Variants in APOL4 observed in about 807,000 individuals in gnomAD.
APOL4 encodes the protein apolipoprotein L4.
APOL4 carries 14 observed loss-of-function variants against 12.1 expected under a neutral mutation model. The observed-to-expected ratio is 1.16, with a 90% CI of 0.76 to 1.81. The LOEUF (loss-of-function observed/expected upper bound fraction) is 1.81. Among genes scored for constraint, APOL4 ranks in the 40% most tolerant of loss-of-function variants. The probability of loss-of-function intolerance (pLI) is 0.00; values close to 1 mark genes in which losing one functional copy is unlikely to be tolerated. For missense variants in APOL4, 432 were observed against 423.1 expected (o/e 1.02, Z -0.18); for synonymous variants, 171 against 160.6 (o/e 1.06, Z -0.49).
chr22:36,197,520 A>G (rs2014445828), intron 2 of APOL4: 5 of 1,346,332 alleles, frequency 3.7e-6, no homozygotes, highest in Non-Finnish European at 3.9e-6. Flanking sequence ...AAATTAAAAT[A>G]AAAACCAGAC....
upstream of APOL4, chr22:36,202,186 T>C: frequency 8.1e-7 from 1 of 1,233,644 alleles, no homozygotes; most frequent in Non-Finnish European, 1.2e-6. Context: ...AGCTCATTGC[T>C]GCCTAGATCT....
upstream of APOL4, chr22:36,201,910 C>T (rs908884653): frequency 4.3e-6 from 7 of 1,609,580 alleles, no homozygotes; most frequent in Admixed American, 8.4e-5. Flanking sequence ...CACATGGCTC[C>T]TGGCCCAGCC....
At chr22:36,191,986 C>T in intron 3 of APOL4, 74 bp from the exon 4 acceptor site, 3 of 1,243,314 alleles carry the variant, frequency 2.4e-6, no homozygotes, top group Non-Finnish European at 3.3e-6. Context: ...AAGATCTATT[C>T]TGCATAAATC....
intron 1 of APOL4, 50 bp from the exon 2 acceptor site, chr22:36,199,426 G>A (rs937614130): frequency 1.2e-6 from 2 of 1,613,376 alleles, no homozygotes; most frequent in African/African-American, 2.7e-5. Context: ...CCACCTATGG[G>A]CAAAGGGAGG....
chr22:36,196,536 A>T (rs2014416681), intron 2 of APOL4, among the ~76,000 whole-genome samples: 1 of 152,206 alleles, frequency 6.6e-6, no homozygotes, highest in African/African-American at 2.4e-5. Context: ...ATCACTACAA[A>T]GCATCTTAGT....
At chr22:36,204,486 G>T (rs574388949), upstream of APOL4, 4 of 204,228 alleles carry the variant, frequency 2.0e-5, no homozygotes, top group Non-Finnish European at 3.0e-5. Flanking sequence ...TGCAAATCCC[G>T]GCTCTACCAC....
chr22:36,197,874 T>C (rs995881796), intron 2 of APOL4: 32 of 1,521,468 alleles, frequency 2.1e-5, no homozygotes, highest in Non-Finnish European at 2.4e-5. Context: ...ACCAGTAAGA[T>C]CTAACTCAGC....
At chr22:36,200,909 A>C (rs1255343913) in intron 1 of APOL4, among the ~76,000 whole-genome samples, 1 of 152,242 alleles carries the variant, frequency 6.6e-6, no homozygotes, top group African/African-American at 2.4e-5. Flanking sequence ...CGAAGGTAGC[A>C]GTTGAGATGT....
chr22:36,195,553 T>C lies in APOL4; in HGVS notation c.83-116A>G, dbSNP rs2014380259. The C allele has an allele frequency of 2.5e-6, 3 of 1,195,564 alleles. No individual in the cohort carries two copies. In the South Asian group the frequency reaches 4.3e-5, roughly 17 times the overall value. 74.1% of individuals were successfully genotyped at this position (1,195,564 alleles called of 1,614,324 possible). A position where few individuals can be genotyped will look rare whatever the true frequency, so the allele number is the denominator to read the frequency against. On this transcript the variant is annotated intron_variant, in intron 2 of 3. Coordinates refer to ENST00000683024, the MANE Select transcript of APOL4 (RefSeq NM_001386885.1). The stretch of plus-strand genomic sequence containing the variant: ...GAACCAGCTGTCACATGGGGTATTT[T>C]TGATGGAGGCACCAGTGCTATAGAC...
chr22:36,202,499 A>G (rs2014613022), upstream of APOL4, among the ~76,000 whole-genome samples: 1 of 152,174 alleles, frequency 6.6e-6, no homozygotes, highest in Non-Finnish European at 1.5e-5. Context: ...AGGCCGAGGC[A>G]GGCAGATCAC....
intron 3 of APOL4, among the ~76,000 whole-genome samples, chr22:36,192,147 T>C (rs1273600402): frequency 1.4e-4 from 21 of 152,190 alleles, no homozygotes; most frequent in Admixed American, 1.4e-3. Flanking sequence ...GAGACCATCC[T>C]AGCTAACACG....
At chr22:36,198,392 A>G (rs1356016121) in intron 2 of APOL4, among the ~76,000 whole-genome samples, 2 of 152,234 alleles carry the variant, frequency 1.3e-5, no homozygotes, top group South Asian at 2.1e-4. Flanking sequence ...TGTCTTCCAC[A>G]GTTTTTCATC....
intron 3 of APOL4, among the ~76,000 whole-genome samples, chr22:36,194,645 A>C (rs2014352669): frequency 6.6e-6 from 1 of 152,184 alleles, no homozygotes; most frequent in Admixed American, 6.5e-5. Flanking sequence ...CCAGTCTCCA[A>C]GACATAAACC....
Position 36,201,493 on chromosome 22 carries a change from G to A in APOL4, c.35+207C>T. On this transcript the variant is annotated intron_variant, in intron 1 of 3. Transcript: ENST00000683024. ...CCAGTCCTGGGCAGCATTCACCAGG[G>A]GAGTATGCAGAGGGGCGTCTGGGCG... is the stretch of plus-strand genomic sequence containing the variant. 3 of 989,538 alleles carry A rather than the reference G, an allele frequency of 3.0e-6. 1 individual carries two copies. The highest frequency in any genetic ancestry group is 5.5e-5 in the East Asian group (2 of 36,552). 61.3% of individuals were successfully genotyped at this position (989,538 alleles called of 1,614,324 possible).
At chr22:36,202,183 T>TG (rs1282395022), upstream of APOL4, 2 of 1,294,282 alleles carry the variant, frequency 1.5e-6, no homozygotes, top group Non-Finnish European at 2.2e-6. Context: ...CCTAGCTCAT[T>TG]GCTGCCTAGA....
chr22:36,194,900 C>T (rs2269596), intron 3 of APOL4, among the ~76,000 whole-genome samples: 88,914 of 152,114 alleles, frequency 0.58, 26,691 homozygotes, highest in East Asian at 0.85. Flanking sequence ...AGACTTTTGG[C>T]CCTGGTCTCT....
Position 36,191,318 on chromosome 22 carries a change from A to G in APOL4, c.804T>C (p.Val268=), listed in dbSNP as rs2014240392. Residue 268 remains valine, a synonymous_variant, in exon 4 of 4, where the codon GTT becomes GTC. Coordinates refer to ENST00000683024, the MANE Select transcript of APOL4 (RefSeq NM_001386885.1). The part of the protein sequence containing the change: ...LIAWRYVPIN[V]VETLRTRGAP... ...CCCCACGTGTTCTCAGTGTCTCAAC[A>G]ACATTTATAGGTACATATCGCCAAG... The G allele has an allele frequency of 6.2e-7, 1 of 1,614,052 alleles. No individual in the cohort carries two copies. Among genetic ancestry groups the G allele is most frequent in the African/African-American group, 1.3e-5 (1 of 75,052 alleles).
Position 36,191,231 on chromosome 22 carries a change from A to G in APOL4, c.891T>C (p.Leu297=), listed in dbSNP as rs6000174. ...RNLGKATSGV[L]VVLDVVNLVQ... ...CAAGGTTGACTACATCCAGCACAACAAGGACACCTGAAGTGGCCTTGCCCA... is the reference window on the plus strand; with the variant it reads ...CAAGGTTGACTACATCCAGCACAACGAGGACACCTGAAGTGGCCTTGCCCA... The change falls in exon 4 of 4, where the codon CTT becomes CTC. Residue 297 remains leucine, a synonymous_variant. Coordinates refer to ENST00000683024, the MANE Select transcript of APOL4 (RefSeq NM_001386885.1). The G allele has an allele frequency of 0.52, 833,691 of 1,613,544 alleles. 219,799 individuals carry two copies. Among genetic ancestry groups the G allele is most frequent in the East Asian group, 0.82 (36,623 of 44,876 alleles).
intron 2 of APOL4, among the ~76,000 whole-genome samples, chr22:36,199,082 G>A (rs1394295926): frequency 6.6e-6 from 1 of 152,220 alleles, no homozygotes; most frequent in Non-Finnish European, 1.5e-5. Context: ...AGGGTAGGGA[G>A]GAAGTGGGCA....
Sources: allele counts gnomAD v4.1 joint callset (sites outside exome capture counted in the v4.1 genomes callset), GRCh38; gene constraint gnomAD v4.1.1; transcripts MANE v1.5; gene names NCBI Gene and HGNC (gene_info 2026-07-23, HGNC 2026-07-21).